KRT86: variants seen among roughly 807,000 people sequenced by gnomAD.
KRT86 encodes the protein keratin, type II cuticular Hb6.
Under a neutral mutation model 41.2 loss-of-function variants are expected in KRT86, and 30 were observed. The ratio of observed to expected loss-of-function variants is 0.73; its 90% CI spans 0.54 to 0.99. KRT86 has a LOEUF of 0.99. Ranked by LOEUF, KRT86 falls within the 50% of genes least tolerant of loss-of-function variation. The probability of loss-of-function intolerance (pLI) is 0.00; values close to 1 mark genes in which losing one functional copy is unlikely to be tolerated. For synonymous variants in KRT86, 238 were observed against 238.1 expected (o/e 1.00, Z 0.00); for missense variants, 561 against 571.4 (o/e 0.98, Z 0.19).
Position 52,305,260 on chromosome 12 carries a change from C to T in KRT86, c.756C>T (p.Ser252=), listed in dbSNP as rs61915660. ...LYEEEIRVLQ[S]HISDTSVVVK... is the part of the protein sequence containing the mutation. ...TGCAGGAGATCCGCGTTCTCCAGTC[C>T]CACATCTCAGACACCTCCGTGGTTG... Residue 252 remains serine, a synonymous_variant, in exon 7 of 11, where the codon TCC becomes TCT. Transcript: ENST00000423955. The T allele has an allele frequency of 6.2e-6, 10 of 1,611,352 alleles. No individual in the cohort carries two copies. Among genetic ancestry groups the T allele is most frequent in the South Asian group, 1.1e-5 (1 of 90,946 alleles).
intron 2 of KRT86, chr12:52,287,657 A>G (rs1440582957): frequency 1.2e-6 from 2 of 1,613,640 alleles, no homozygotes; most frequent in African/African-American, 2.7e-5. Context: ...CAGCTCATTG[A>G]TCTCCTCCTT....
At chr12:52,297,757 A>G (rs1938283359) in intron 2 of KRT86, among the ~76,000 whole-genome samples, 1 of 152,228 alleles carries the variant, frequency 6.6e-6, no homozygotes, top group Non-Finnish European at 1.5e-5. Context: ...TGGAAGAGAT[A>G]ATGCAAGCTC....
At chr12:52,304,662 T>A (rs1938459224) in intron 5 of KRT86, among the ~76,000 whole-genome samples, 1 of 151,724 alleles carries the variant, frequency 6.6e-6, no homozygotes, top group Non-Finnish European at 1.5e-5. Flanking sequence ...CTGGGCAGGC[T>A]TCCTGGAGCA....
At chr12:52,278,943 G>T in intron 2 of KRT86, 1 of 152,522 alleles carries the variant, frequency 6.6e-6, no homozygotes, top group Non-Finnish European at 1.5e-5. Flanking sequence ...CTGTTTACCT[G>T]TTCCTTTCGG....
rs751670289 is a variant in KRT86, at chr12:52,288,406, C to G, written c.-5+12460C>G. 1.2e-5 allele frequency: 20 copies of G among 1,614,078 alleles called. No individual in the cohort carries two copies. The African/African-American group carries it at 1.6e-4, about 13-fold the overall frequency. On this transcript the variant is annotated intron_variant, in intron 2 of 10. Transcript: ENST00000423955. ...GGAAGTCGATCTCCTGGATCAGGGC[C>G]TCCACGTTGGCCTCCAGGTCTGACT...
rs368480216 is a variant in KRT86, at chr12:52,306,257, C to T, written c.1224C>T (p.Arg408=). The change falls in exon 9 of 11, where the codon CGC becomes CGT. Residue 408 remains arginine (R), a synonymous_variant. Transcript: ENST00000423955. ...GLDIEIATYR[R]LLEGEEQRLC... is the part of the protein sequence containing the mutation. ...ACATCGAGATCGCCACCTACAGGCG[C>T]CTGCTGGAGGGCGAGGAGCAGAGGT... The T allele has an allele frequency of 1.5e-5, 24 of 1,613,504 alleles. No individual in the cohort carries two copies. The African/African-American group carries it at 3.2e-4, about 22-fold the overall frequency.
chr12:52,296,578 G>A (rs1277308477), intron 2 of KRT86, among the ~76,000 whole-genome samples: 2 of 152,224 alleles, frequency 1.3e-5, no homozygotes, highest in African/African-American at 2.4e-5. Flanking sequence ...CCTTTGTCCA[G>A]TGGGACTCCT....
intron 2 of KRT86, chr12:52,277,869 G>T (rs1937669845): frequency 6.6e-6 from 1 of 152,288 alleles, no homozygotes; most frequent in Non-Finnish European, 1.5e-5. Context: ...CTAGAGCTAG[G>T]TTTCTCTCAC....
intron 2 of KRT86, among the ~76,000 whole-genome samples, chr12:52,300,440 G>A (rs1938345591): frequency 6.6e-6 from 1 of 152,194 alleles, no homozygotes; most frequent in African/African-American, 2.4e-5. Flanking sequence ...TCTGCTCTGT[G>A]CTCTGGAGTC....
chr12:52,285,364 A>T (rs928774759), intron 2 of KRT86, among the ~76,000 whole-genome samples: 13 of 4,826 alleles, frequency 2.7e-3, no homozygotes, highest in South Asian at 0.013. Context: ...ATGCCATTTA[A>T]AAAAAAAAAA....
chr12:52,288,241 C>T, intron 2 of KRT86: 1 of 1,596,864 alleles, frequency 6.3e-7, no homozygotes, highest in Non-Finnish European at 8.6e-7. Flanking sequence ...TGGTCCCCAA[C>T]CCTGCCCCCT....
chr12:52,284,641 A>G (rs1317759804), intron 2 of KRT86, among the ~76,000 whole-genome samples: 1 of 152,188 alleles, frequency 6.6e-6, no homozygotes, highest in African/African-American at 2.4e-5. Context: ...CTTTTACAGG[A>G]GAATTTGTTC....
chr12:52,287,059 G>A (rs1245033943), intron 2 of KRT86: 2 of 1,612,348 alleles, frequency 1.2e-6, no homozygotes, highest in Admixed American at 1.7e-5. Flanking sequence ...CTTGTGCCAG[G>A]GATGGGGAAG....
At chr12:52,284,998 G>T (rs772573752) in intron 2 of KRT86, among the ~76,000 whole-genome samples, 1 of 152,230 alleles carries the variant, frequency 6.6e-6, no homozygotes, top group Non-Finnish European at 1.5e-5. Context: ...CTGATCCCTA[G>T]AGGGACTTCT....
In KRT86 at chr12:52,306,108, G is replaced by T; in HGVS notation, c.1075G>T (p.Ala359Ser). The change falls in exon 9 of 11, where the codon GCG becomes TCG. Residue 359 changes from alanine (A) to serine (S), a missense_variant. Physicochemically the swap from Ala to Ser is moderately conservative, Grantham distance 99. This residue lies in a region of KRT86 where 397 missense variants were observed against 375.9 expected (regional missense o/e 1.06). Transcript: ENST00000423955. Reference protein sequence around the residue: ...AVAQSEQQGEAALSDARCKLA... With the variant: ...AVAQSEQQGESALSDARCKLA... ...GGCTCAGTCTGAGCAGCAGGGTGAG[G>T]CGGCCCTCAGCGATGCCCGCTGCAA... The T allele has an allele frequency of 2.5e-6, 4 of 1,614,054 alleles. No individual in the cohort carries two copies. The highest frequency in any genetic ancestry group is 3.4e-6 in the Non-Finnish European group (4 of 1,180,040).
chr12:52,298,121 G>A (rs1938289762), intron 2 of KRT86, among the ~76,000 whole-genome samples: 1 of 152,176 alleles, frequency 6.6e-6, no homozygotes, highest in Admixed American at 6.5e-5. Flanking sequence ...TCATCCAGTA[G>A]TATGGTTACC....
At chr12:52,301,414 G>A (rs3809172) in intron 2 of KRT86, among the ~76,000 whole-genome samples, 1 of 151,686 alleles carries the variant, frequency 6.6e-6, no homozygotes, top group Non-Finnish European at 1.5e-5. Flanking sequence ...ACCACCAAGC[G>A]CCCCCCAAGT....
chr12:52,304,663 T>A (rs568614003), intron 5 of KRT86, among the ~76,000 whole-genome samples: 20 of 151,642 alleles, frequency 1.3e-4, no homozygotes, highest in Admixed American at 1.2e-3. Context: ...TGGGCAGGCT[T>A]CCTGGAGCAG....
intron 2 of KRT86, chr12:52,286,434 G>T: frequency 2.3e-5 from 35 of 1,553,006 alleles, no homozygotes; most frequent in Non-Finnish European, 3.0e-5. Context: ...CCAGTCACTG[G>T]CCGGGAGCCT....
Sources: gnomAD v4.1 joint callset for allele counts (sites outside exome capture counted in the v4.1 genomes callset) on GRCh38, gnomAD v4.1.1 for gene constraint, gnomAD v4.1.1 regional missense constraint, MANE v1.5 for transcripts, NCBI Gene and HGNC (gene_info 2026-07-23, HGNC 2026-07-21) for gene names.